PSMD1: variants seen among roughly 807,000 people sequenced by gnomAD.
The protein encoded by PSMD1 is 26S proteasome non-ATPase regulatory subunit 1.
In PSMD1, 18 loss-of-function variants were observed where a neutral mutation model predicts 119.0. That is an observed-to-expected ratio of 0.15 (90% CI 0.10 to 0.22). The LOEUF (loss-of-function observed/expected upper bound fraction) is 0.22, where lower values mean the gene tolerates loss of function less well. Among genes scored for constraint, PSMD1 ranks in the 10% least tolerant of loss-of-function variants. The pLI, the probability that PSMD1 is intolerant of heterozygous loss-of-function variation, is 1.00. For missense variants in PSMD1, 702 were observed against 1,158.5 expected, an observed-to-expected ratio of 0.61 and a Z score of 5.72; for synonymous variants, 374 against 396.6, an observed-to-expected ratio of 0.94 and a Z score of 0.68.
Position 231,109,800 on chromosome 2 carries a change from G to A in PSMD1, c.1883+22619G>A, listed in dbSNP as rs1574736595. 2.0e-5 allele frequency among the ~76,000 whole-genome samples: 3 copies of A among 152,130 alleles called. No homozygotes were observed. In the East Asian group the frequency reaches 5.8e-4, roughly 29 times the overall value. ...TTTTTTCTTATTATCCAGTGTAGTT[G>A]ATCTAGAGGCACTTCAGAGTACATT... On this transcript the variant is annotated intron_variant, in intron 16 of 24. Transcript: ENST00000308696.
rs776666091 is a variant in PSMD1, at chr2:231,123,685, A to T, written c.1884-15051A>T. On this transcript the variant is annotated intron_variant, in intron 16 of 24. Transcript: ENST00000308696. ...CTGTAATCCAGACCAGTTAGAAGAG[A>T]TAACGTGAACAAAGGTGCTCTGCAA... The T allele has an allele frequency of 7.4e-6, 12 of 1,613,998 alleles. No individual in the cohort carries two copies. Among genetic ancestry groups the T allele is most frequent in the Non-Finnish European group, 1.0e-5 (12 of 1,179,960 alleles).
intron 16 of PSMD1, among the ~76,000 whole-genome samples, chr2:231,087,974 A>C (rs1336815664): frequency 6.6e-6 from 1 of 151,982 alleles, no homozygotes; most frequent in Non-Finnish European, 1.5e-5. Context: ...AAAAAAAAAA[A>C]AGAAGTCACA....
intron 23 of PSMD1, 113 bp downstream of exon 23, chr2:231,166,130 T>C: frequency 1.9e-6 from 2 of 1,049,054 alleles, no homozygotes; most frequent in Non-Finnish European, 2.6e-6. Flanking sequence ...AGCTCACTAG[T>C]TCTAAGAAAT....
rs903726970 is a variant in PSMD1 at position 231,075,671 on chromosome 2, C to T, written c.942+100C>T. On this transcript the variant is annotated intron_variant, in intron 8 of 24. Transcript: ENST00000308696. ...CTCGGCTCACTACAACCTCTGCCTC[C>T]CAGGCTCAAGCTTTCCTCCCACCTT... is the stretch of plus-strand genomic sequence containing the variant. 8 of 1,054,612 alleles carry T rather than the reference C, an allele frequency of 7.6e-6. No individual in the cohort carries two copies. The Admixed American group carries it at 1.3e-4, about 17-fold the overall frequency. 65.3% of individuals were successfully genotyped at this position (1,054,612 alleles called of 1,614,324 possible). A position where few individuals can be genotyped will look rare whatever the true frequency, so the allele number is the denominator to read the frequency against.
intron 4 of PSMD1, 145 bp downstream of exon 4, chr2:231,062,820 G>T: frequency 1.5e-6 from 1 of 674,512 alleles, no homozygotes; most frequent in South Asian, 4.9e-5. Context: ...TTTTATGCAG[G>T]CTGAGTTTTT....
intron 18 of PSMD1, among the ~76,000 whole-genome samples, chr2:231,149,712 C>A (rs1696330209): frequency 6.6e-6 from 1 of 152,180 alleles, no homozygotes; most frequent in Admixed American, 6.5e-5. Context: ...GATTTCACAG[C>A]ATAACACATT....
At chr2:231,063,230 GA>G (rs1693804515) in intron 4 of PSMD1, among the ~76,000 whole-genome samples, 1 of 152,122 alleles carries the variant, frequency 6.6e-6, no homozygotes, top group Admixed American at 6.6e-5. Context: ...GAAGGAAGGG[GA>G]TAACACACAG....
At chr2:231,094,148 G>A (rs112958525) in intron 16 of PSMD1, among the ~76,000 whole-genome samples, 87 of 152,146 alleles carry the variant, frequency 5.7e-4, no homozygotes, top group African/African-American at 1.9e-3. Context: ...GGGCGGTGCC[G>A]TCCTCTAGGG....
At chr2:231,138,241 G>A (rs1696018564) in intron 16 of PSMD1, among the ~76,000 whole-genome samples, 1 of 152,196 alleles carries the variant, frequency 6.6e-6, no homozygotes, top group African/African-American at 2.4e-5. Context: ...CAAAAATGCA[G>A]AAGTCAGAAT....
At chr2:231,154,107 C>T (rs1445577578) in intron 19 of PSMD1, among the ~76,000 whole-genome samples, 3 of 150,522 alleles carry the variant, frequency 2.0e-5, no homozygotes, top group Non-Finnish European at 2.9e-5. Flanking sequence ...GAGCAAAACT[C>T]GGTCTCCAAA....
chr2:231,118,265 C>G, intron 16 of PSMD1, among the ~76,000 whole-genome samples: 1 of 152,102 alleles, frequency 6.6e-6, no homozygotes, highest in East Asian at 1.9e-4. Flanking sequence ...TTAACAGAAA[C>G]TAGCCAACTA....
chr2:231,087,098 C>T lies in PSMD1; in HGVS notation c.1819-19C>T. ...GGTAGACTACATAGTATAATATAATCTTAAACTTTTCCCCCTAGGTAAGTG... is the reference window on the plus strand; with the variant it reads ...GGTAGACTACATAGTATAATATAATTTTAAACTTTTCCCCCTAGGTAAGTG... On this transcript the variant is annotated intron_variant, in intron 15 of 24. Transcript: ENST00000308696. The T allele has an allele frequency of 1.2e-6, 2 of 1,610,032 alleles. No individual in the cohort carries two copies. Among genetic ancestry groups the T allele is most frequent in the Non-Finnish European group, 1.7e-6 (2 of 1,176,720 alleles).
At chr2:231,061,116 C>A in intron 1 of PSMD1, 151 bp from the exon 2 acceptor site, 2 of 561,772 alleles carry the variant, frequency 3.6e-6, no homozygotes, top group African/African-American at 1.9e-5. Context: ...AGATATAAAC[C>A]TTTACACTTT....
chr2:231,172,126 C>T (rs1696927721), intron 24 of PSMD1, among the ~76,000 whole-genome samples: 1 of 152,166 alleles, frequency 6.6e-6, no homozygotes, highest in African/African-American at 2.4e-5. Flanking sequence ...TATCTTTCAG[C>T]CTTGATAGTT....
intron 15 of PSMD1, among the ~76,000 whole-genome samples, chr2:231,085,958 A>G (rs556265765): frequency 6.6e-6 from 1 of 152,266 alleles, no homozygotes; most frequent in South Asian, 2.1e-4. Context: ...TAATTAATAA[A>G]TAATTTTTTT....
chr2:231,087,088 A>G lies in PSMD1; in HGVS notation c.1819-29A>G, dbSNP rs754589084. 2.5e-6 allele frequency: 4 copies of G among 1,598,276 alleles called. No homozygotes were observed. In the South Asian group the frequency reaches 3.3e-5, roughly 13 times the overall value. On this transcript the variant is annotated intron_variant, in intron 15 of 24. Coordinates refer to ENST00000308696, the MANE Select transcript of PSMD1 (RefSeq NM_002807.4). ...TTGGTCTAGTGGTAGACTACATAGT[A>G]TAATATAATCTTAAACTTTTCCCCC...
intron 6 of PSMD1, among the ~76,000 whole-genome samples, chr2:231,071,860 A>T (rs1214566714): frequency 2.6e-5 from 4 of 152,244 alleles, no homozygotes; most frequent in Admixed American, 2.6e-4. Flanking sequence ...AAAATAACAA[A>T]TTAAGGAGCA....
chr2:231,082,464 G>A lies in PSMD1; in HGVS notation c.1414-419G>A, dbSNP rs370225045. Among the ~76,000 whole-genome samples the A allele has an allele frequency of 1.8e-3, 276 of 152,332 alleles. 1 individual carries two copies. Among genetic ancestry groups the A allele is most frequent in the Middle Eastern group, 3.4e-3 (1 of 294 alleles). On this transcript the variant is annotated intron_variant, in intron 12 of 24. Transcript: ENST00000308696. Reference sequence around the variant, plus strand: ...CACACCTATAATCCCAGAACTTTGGGAGGCCAAGGTGGGTGGATCACCTGA... The same window carrying A: ...CACACCTATAATCCCAGAACTTTGGAAGGCCAAGGTGGGTGGATCACCTGA...
intron 17 of PSMD1, among the ~76,000 whole-genome samples, chr2:231,144,400 C>T (rs901827671): frequency 2.0e-5 from 3 of 149,626 alleles, no homozygotes; most frequent in Admixed American, 1.3e-4. Flanking sequence ...TTCAGGCACC[C>T]GCCACCACGC....
Sources: gnomAD v4.1 joint callset for allele counts (sites outside exome capture counted in the v4.1 genomes callset) on GRCh38, gnomAD v4.1.1 for gene constraint, MANE v1.5 for transcripts, NCBI Gene and HGNC (gene_info 2026-07-23, HGNC 2026-07-21) for gene names.